ZNF99: variants seen among roughly 807,000 people sequenced by gnomAD.
ZNF99 encodes zinc finger protein 99, also known as zinc finger protein ENSP00000375192.
Under a neutral mutation model 12.8 loss-of-function variants are expected in ZNF99, and 8 were observed. The ratio of observed to expected loss-of-function variants is 0.62; its 90% confidence interval spans 0.37 to 1.13. The LOEUF (loss-of-function observed/expected upper bound fraction) is 1.13. Among genes scored for constraint, ZNF99 ranks in the 50% most tolerant of loss-of-function variants. ZNF99 has a pLI of 0.02. For synonymous variants in ZNF99, 318 were observed against 319.0 expected (o/e 1.00, Z 0.03); for missense variants, 1,007 against 1,006.2 (o/e 1.00, Z -0.01).
intron 1 of ZNF99, among the ~76,000 whole-genome samples, chr19:22,780,691 CAAA>C (rs34311189): frequency 2.7e-5 from 3 of 111,824 alleles, no homozygotes; most frequent in Admixed American, 9.4e-5. Flanking sequence ...AACTCTGTTT[CAAA>C]AAAAAAAAAA....
At chr19:22,777,689 T>A (rs1362569832) in intron 1 of ZNF99, among the ~76,000 whole-genome samples, 4 of 152,116 alleles carry the variant, frequency 2.6e-5, no homozygotes, top group Non-Finnish European at 5.9e-5. Context: ...CAGAACCTCA[T>A]GTTGGTGGAA....
chr19:22,761,537 A>G (rs181395566), intron 3 of ZNF99, among the ~76,000 whole-genome samples: 2 of 152,312 alleles, frequency 1.3e-5, no homozygotes, highest in Non-Finnish European at 2.9e-5. Context: ...CAACACAATA[A>G]TAATGAGGAC....
intron 1 of ZNF99, among the ~76,000 whole-genome samples, chr19:22,777,748 G>A (rs1471797039): frequency 6.6e-6 from 1 of 152,078 alleles, no homozygotes; most frequent in Non-Finnish European, 1.5e-5. Context: ...GGATATGCCA[G>A]GAGACTTGTA....
Position 22,759,319 on chromosome 19 carries a change from C to CTAG in ZNF99, c.587_589dup (p.Thr196dup). ...TTCTTCACATTTGTAGATATTCTCT[C>CTAG]TAGTATGAATTCTCTTATGTTGAAT... On this transcript the variant is annotated inframe_insertion, in exon 4 of 4. Transcript: ENST00000596209. The CTAG allele has an allele frequency of 1.3e-6, 2 of 1,549,200 alleles. No homozygotes were observed. The highest frequency in any genetic ancestry group is 8.7e-7 in the Non-Finnish European group (1 of 1,147,946).
intron 1 of ZNF99, among the ~76,000 whole-genome samples, chr19:22,781,403 C>CTTTT (rs35970718): frequency 0.084 from 7,327 of 87,550 alleles, 278 homozygotes; most frequent in Non-Finnish European, 0.11. Context: ...ATTGGGGTCA[C>CTTTT]TTTTTTTTTT....
intron 1 of ZNF99, among the ~76,000 whole-genome samples, chr19:22,779,699 T>C (rs1204714157): frequency 1.3e-5 from 2 of 152,324 alleles, no homozygotes; most frequent in African/African-American, 4.8e-5. Context: ...AAGTACATGA[T>C]GACTTCAGTG....
intron 1 of ZNF99, among the ~76,000 whole-genome samples, chr19:22,782,822 C>T (rs1973404246): frequency 6.6e-6 from 1 of 151,498 alleles, no homozygotes; most frequent in African/African-American, 2.4e-5. Flanking sequence ...AGGCATCTGC[C>T]ACACTCCCGG....
chr19:22,754,078 C>A lies in ZNF99; in HGVS notation c.*3236G>T, dbSNP rs1299620242. 5 of 454,906 alleles carry A rather than the reference C, an allele frequency of 1.1e-5. No individual in the cohort carries two copies. Among genetic ancestry groups the A allele is most frequent in the Admixed American group, 2.4e-5 (1 of 42,502 alleles). The allele number at this position is 454,906 out of a possible 1,614,324, so 28.2% of individuals were successfully genotyped here. ...TATTAAAAACTTTGCCACATTCGAC[C>A]GGGCTCAATGGCTCATGCTTGTAAT... is the stretch of plus-strand genomic sequence containing the variant. On this transcript the variant is annotated 3_prime_UTR_variant, in exon 4 of 4. Coordinates refer to ENST00000596209, the MANE Select transcript of ZNF99 (RefSeq NM_001080409.3).
chr19:22,759,694 G>A lies in ZNF99; in HGVS notation c.227-12C>T. On this transcript the variant is annotated splice_polypyrimidine_tract_variant and intron_variant, in intron 3 of 3. Transcript: ENST00000596209. ...ATGAGAACTAATAACTGGAAGAAAT[G>A]AAAATAATAAATTATGTCACTTGCT... 1 of 1,485,864 alleles carries A rather than the reference G, an allele frequency of 6.7e-7. No individual in the cohort carries two copies. The highest frequency in any genetic ancestry group is 8.9e-7 in the Non-Finnish European group (1 of 1,118,246). 92.0% of individuals were successfully genotyped at this position (1,485,864 alleles called of 1,614,324 possible).
At chr19:22,765,398 G>T (rs186994938) in intron 3 of ZNF99, among the ~76,000 whole-genome samples, 1 of 152,010 alleles carries the variant, frequency 6.6e-6, no homozygotes, top group Admixed American at 6.6e-5. Context: ...CAGCTCGGGT[G>T]ATGAGTGCAC....
Position 22,759,321 on chromosome 19 carries a change from A to G in ZNF99, c.588T>C (p.Thr196=), listed in dbSNP as rs753038977. 2.6e-5 allele frequency: 40 copies of G among 1,549,192 alleles called. No individual in the cohort carries two copies. The highest frequency in any genetic ancestry group is 3.2e-5 in the Non-Finnish European group (37 of 1,147,968). Residue 196 remains threonine (T), a synonymous_variant, in exon 4 of 4, where the codon ACT becomes ACC. Coordinates refer to ENST00000596209, the MANE Select transcript of ZNF99 (RefSeq NM_001080409.3). ...SHLIQHKRIH[T]RENIYKCEER... ...CTTCACATTTGTAGATATTCTCTCTAGTATGAATTCTCTTATGTTGAATTA... is the reference window on the plus strand; with the variant it reads ...CTTCACATTTGTAGATATTCTCTCTGGTATGAATTCTCTTATGTTGAATTA...
At position 22,763,886 on chromosome 19, in the gene ZNF99, C is replaced by T. The variant is rs1203332956; in HGVS notation, c.227-4204G>A. On this transcript the variant is annotated intron_variant, in intron 3 of 3. Transcript: ENST00000596209. ...AAAAACATAAAGTAGGGAAAGGATA[C>T]TCTTTTTTTTTTCTTTCCTTTTTTT... Among the ~76,000 whole-genome samples the T allele has an allele frequency of 2.4e-5, 3 of 123,338 alleles. 1 individual carries two copies. Among genetic ancestry groups the T allele is most frequent in the Admixed American group, 1.6e-4 (2 of 12,742 alleles). 80.9% of individuals were successfully genotyped at this position (123,338 alleles called of 152,430 possible). A position where few individuals can be genotyped will look rare whatever the true frequency, so the allele number is the denominator to read the frequency against.
chr19:22,773,409 C>A (rs1973293368), intron 1 of ZNF99, among the ~76,000 whole-genome samples: 1 of 151,942 alleles, frequency 6.6e-6, no homozygotes, highest in Non-Finnish European at 1.5e-5. Context: ...TAAGAGACTG[C>A]AAAGACAAAA....
chr19:22,768,159 T>G, intron 3 of ZNF99, 146 bp downstream of exon 3: 2 of 888,368 alleles, frequency 2.3e-6, no homozygotes, highest in African/African-American at 1.7e-5. Context: ...ATGCCCTACA[T>G]GAGAGCAAAA....
chr19:22,760,725 C>CA (rs1973141542), intron 3 of ZNF99, among the ~76,000 whole-genome samples: 1 of 151,866 alleles, frequency 6.6e-6, no homozygotes, highest in Admixed American at 6.6e-5. Context: ...GCCTGGGCGA[C>CA]AGAGAGAGAC....
At chr19:22,776,932 G>A (rs1244320332) in intron 1 of ZNF99, among the ~76,000 whole-genome samples, 1 of 152,100 alleles carries the variant, frequency 6.6e-6, no homozygotes, top group Non-Finnish European at 1.5e-5. Context: ...AATTGCCTGA[G>A]CTCAGGAGTT....
rs1331102700 is a variant in ZNF99, at chr19:22,756,583, G to A, written c.*731C>T. 8.8e-6 allele frequency: 14 copies of A among 1,599,978 alleles called. No individual in the cohort carries two copies. Among genetic ancestry groups the A allele is most frequent in the Non-Finnish European group, 1.2e-5 (14 of 1,176,632 alleles). On this transcript the variant is annotated 3_prime_UTR_variant, in exon 4 of 4. Transcript: ENST00000596209. ...AATTGATTTATGTTTAGTAAGGTGTGAGGATTGCTTAAAAGCTTTGCCACA... is the reference window on the plus strand; with the variant it reads ...AATTGATTTATGTTTAGTAAGGTGTAAGGATTGCTTAAAAGCTTTGCCACA...
At chr19:22,783,813 A>G (rs1973417238) in intron 1 of ZNF99, among the ~76,000 whole-genome samples, 1 of 152,088 alleles carries the variant, frequency 6.6e-6, no homozygotes, top group African/African-American at 2.4e-5. Flanking sequence ...ACAGTGCAGG[A>G]AGGAGGCAGG....
rs758776478 is a variant in ZNF99, at chr19:22,756,342, G to A, written c.*972C>T. 9.4e-6 allele frequency: 15 copies of A among 1,593,104 alleles called. No homozygotes were observed. The highest frequency in any genetic ancestry group is 1.2e-5 in the Non-Finnish European group (14 of 1,172,200). On this transcript the variant is annotated 3_prime_UTR_variant, in exon 4 of 4. Transcript: ENST00000596209. ...TTATGTTGAGTAAGGTGTGAGGACT[G>A]GTTAAAGGCTTTGCCACATTCTTCA...
Sources: allele counts gnomAD v4.1 joint callset (sites outside exome capture counted in the v4.1 genomes callset), GRCh38; gene constraint gnomAD v4.1.1; transcripts MANE v1.5; gene names NCBI Gene and HGNC (gene_info 2026-07-23, HGNC 2026-07-21).